Variants in DOCK4 observed in about 807,000 individuals in gnomAD.
DOCK4 encodes the protein dedicator of cytokinesis protein 4.
In DOCK4, 97 loss-of-function variants were observed where a neutral mutation model predicts 268.1. That is an observed-to-expected ratio of 0.36 (90% confidence interval 0.31 to 0.43). The LOEUF is 0.43. Among genes scored for constraint, DOCK4 ranks in the 20% least tolerant of loss-of-function variants. The probability of loss-of-function intolerance (pLI) is 1.00; values close to 1 mark genes in which losing one functional copy is unlikely to be tolerated. For missense variants in DOCK4, 2,145 were observed against 2,455.7 expected (o/e 0.87, Z 2.67); for synonymous variants, 954 against 887.2 (o/e 1.08, Z -1.34).
chr7:111,854,241 T>A (rs183629240), intron 23 of DOCK4, among the ~76,000 whole-genome samples: 1 of 152,310 alleles, frequency 6.6e-6, no homozygotes, highest in African/African-American at 2.4e-5. Context: ...CTGGGCCTGG[T>A]AGTTAAAGAT....
In DOCK4 at chr7:111,778,280, A is replaced by G. The variant is rs372597651; in HGVS notation, c.3675T>C (p.Phe1225=). 1 of 1,607,020 alleles carries G rather than the reference A, an allele frequency of 6.2e-7. No homozygotes were observed. Among genetic ancestry groups the G allele is most frequent in the South Asian group, 1.1e-5 (1 of 90,828 alleles). ...LYDLHLKAQN[F]TEAAYTLLLY... is the part of the protein sequence containing the mutation. Reference sequence around the variant, plus strand: ...TGAGCCAAAAGACAGAATTACCTGTAAAGTTCTGTGCTTTGAGATGCAGAT... The same window carrying G: ...TGAGCCAAAAGACAGAATTACCTGTGAAGTTCTGTGCTTTGAGATGCAGAT... The change falls in exon 36 of 53, where the codon TTT becomes TTC. Residue 1225 remains phenylalanine, a synonymous_variant. Coordinates refer to ENST00000428084, the MANE Select transcript of DOCK4 (RefSeq NM_001363540.2).
chr7:111,773,324 T>C (rs893694522), intron 36 of DOCK4, among the ~76,000 whole-genome samples: 2 of 152,088 alleles, frequency 1.3e-5, no homozygotes, highest in Non-Finnish European at 2.9e-5. Flanking sequence ...GAGAGAAGAA[T>C]AAAATGTTAC....
Position 112,066,603 on chromosome 7 carries a change from T to C in DOCK4, c.38-62472A>G, listed in dbSNP as rs180709177. ...ATGTATATATACACATATACATATATACACGTGTATACATATATACGTGTA... is the reference window on the plus strand; with the variant it reads ...ATGTATATATACACATATACATATACACACGTGTATACATATATACGTGTA... On this transcript the variant is annotated intron_variant, in intron 1 of 52. Coordinates refer to ENST00000428084, the MANE Select transcript of DOCK4 (RefSeq NM_001363540.2). Among the ~76,000 whole-genome samples the C allele has an allele frequency of 5.5e-3, 670 of 122,782 alleles. 17 individuals are homozygous for C. Among genetic ancestry groups the C allele is most frequent in the African/African-American group, 0.026 (595 of 22,990 alleles). The allele number at this position is 122,782 out of a possible 152,430, so 80.5% of individuals were successfully genotyped here. A position where few individuals can be genotyped will look rare whatever the true frequency, so the allele number is the denominator to read the frequency against.
intron 7 of DOCK4, among the ~76,000 whole-genome samples, chr7:111,980,807 CCTT>C (rs1798552194): frequency 6.6e-6 from 1 of 152,208 alleles, no homozygotes; most frequent in African/African-American, 2.4e-5. Flanking sequence ...GCTAGTCTAA[CCTT>C]CTAAGAATTG....
intron 1 of DOCK4, among the ~76,000 whole-genome samples, chr7:112,197,310 C>T (rs1304798856): frequency 6.9e-6 from 1 of 145,264 alleles, no homozygotes; most frequent in Non-Finnish European, 1.5e-5. Flanking sequence ...AAAAAAAAAA[C>T]TGTATGTACA....
intron 29 of DOCK4, 83 bp downstream of exon 29, chr7:111,809,218 T>G (rs1800897140): frequency 8.9e-7 from 1 of 1,123,826 alleles, no homozygotes; most frequent in African/African-American, 1.5e-5. Flanking sequence ...TTTCCAGTTA[T>G]GCGCATTCTG....
chr7:111,931,356 T>C (rs1202401051), intron 12 of DOCK4, among the ~76,000 whole-genome samples: 1 of 152,144 alleles, frequency 6.6e-6, no homozygotes, highest in African/African-American at 2.4e-5. Flanking sequence ...ACAGAAAAGG[T>C]ATGACTCATG....
chr7:112,059,320 T>C (rs147335120), intron 1 of DOCK4, among the ~76,000 whole-genome samples: 4,804 of 151,892 alleles, frequency 0.032, 279 homozygotes, highest in African/African-American at 0.11. Flanking sequence ...TTTTTTGTAT[T>C]TTTAGTAGAG....
intron 39 of DOCK4, among the ~76,000 whole-genome samples, chr7:111,760,781 T>TGTGTGTGTGC (rs61045792): frequency 1.4e-5 from 2 of 143,326 alleles, no homozygotes; most frequent in African/African-American, 5.3e-5. Context: ...TGTGTGTGTG[T>TGTGTGTGTGC]GTATTCTGCC....
At chr7:112,022,386 G>A (rs972740466) in intron 1 of DOCK4, among the ~76,000 whole-genome samples, 7 of 152,164 alleles carry the variant, frequency 4.6e-5, no homozygotes, top group African/African-American at 1.7e-4. Context: ...GCTCGGTGGT[G>A]GTACAGGAGA....
intron 7 of DOCK4, among the ~76,000 whole-genome samples, chr7:111,979,308 C>T (rs777231838): frequency 3.3e-5 from 5 of 152,104 alleles, no homozygotes; most frequent in Non-Finnish European, 5.9e-5. Context: ...GGAATCTCTT[C>T]GTAAAAGTGG....
chr7:112,206,338 G>T lies in DOCK4; in HGVS notation c.-200C>A. 2 of 609,798 alleles carry T rather than the reference G, an allele frequency of 3.3e-6. No individual in the cohort carries two copies. Among genetic ancestry groups the T allele is most frequent in the Non-Finnish European group, 2.8e-6 (1 of 351,018 alleles). The allele number at this position is 609,798 out of a possible 1,614,324, so 37.8% of individuals were successfully genotyped here. ...CGCCGCCCGCAGCTCTCCCGGCGGC[G>T]GCTGCTCACAGTCCTCCGACGCGCT... On this transcript the variant is annotated 5_prime_UTR_variant, in exon 1 of 53. Transcript: ENST00000428084.
intron 40 of DOCK4, among the ~76,000 whole-genome samples, chr7:111,759,413 G>A (rs1167452636): frequency 1.3e-5 from 2 of 152,098 alleles, no homozygotes; most frequent in Non-Finnish European, 2.9e-5. Flanking sequence ...ATATTAACTT[G>A]TATATTTACC....
chr7:111,916,415 T>C (rs1273800413), intron 12 of DOCK4, among the ~76,000 whole-genome samples: 1 of 152,068 alleles, frequency 6.6e-6, no homozygotes, highest in African/African-American at 2.4e-5. Context: ...GAAACATAAG[T>C]AACAAAGCCG....
chr7:111,941,526 G>A lies in DOCK4; in HGVS notation c.845-1284C>T, dbSNP rs140379396. 2.3e-4 allele frequency among the ~76,000 whole-genome samples: 35 copies of A among 151,752 alleles called. No homozygotes were observed. The East Asian group carries it at 5.0e-3, about 22-fold the overall frequency. On this transcript the variant is annotated intron_variant, in intron 10 of 52. Transcript: ENST00000428084. ...ATGTATGGCAGTCTTTATCAATATC[G>A]TGGTTTAAAACATGCTTTTTTCTTA...
chr7:112,186,951 G>A (rs980563152), intron 1 of DOCK4, among the ~76,000 whole-genome samples: 20 of 151,974 alleles, frequency 1.3e-4, no homozygotes, highest in African/African-American at 4.8e-4. Context: ...TGTCCAGGGA[G>A]GAAGAATAAA....
At chr7:111,900,117 T>C (rs1019833105) in intron 15 of DOCK4, among the ~76,000 whole-genome samples, 2 of 152,206 alleles carry the variant, frequency 1.3e-5, no homozygotes, top group Non-Finnish European at 2.9e-5. Flanking sequence ...TGAAAAGTCC[T>C]AGTGGGTTTC....
intron 6 of DOCK4, among the ~76,000 whole-genome samples, chr7:111,985,201 T>C (rs1798959754): frequency 2.0e-5 from 3 of 152,168 alleles, no homozygotes. Flanking sequence ...GGTACAATGC[T>C]GACACCAATG....
intron 30 of DOCK4, among the ~76,000 whole-genome samples, chr7:111,802,327 C>T (rs60124356): frequency 2.0e-5 from 3 of 152,074 alleles, no homozygotes; most frequent in Admixed American, 2.0e-4. Flanking sequence ...TCTTGCATTT[C>T]TTCCATAACC....
Sources: gnomAD v4.1 joint callset for allele counts (sites outside exome capture counted in the v4.1 genomes callset) on GRCh38, gnomAD v4.1.1 for gene constraint, MANE v1.5 for transcripts, NCBI Gene and HGNC (gene_info 2026-07-23, HGNC 2026-07-21) for gene names.